The following SLC2A7 variants were observed in gnomAD, a reference collection of about 807,000 sequenced individuals.
SLC2A7 encodes solute carrier family 2, facilitated glucose transporter member 7.
SLC2A7 carries 50 observed loss-of-function variants against 50.5 expected under a neutral mutation model. The observed-to-expected ratio is 0.99, with a 90% CI of 0.79 to 1.25. SLC2A7 has a LOEUF of 1.25. Among genes scored for constraint, SLC2A7 ranks in the 50% most tolerant of loss-of-function variants. The pLI, the probability that SLC2A7 is intolerant of heterozygous loss-of-function variation, is 0.00. For missense variants in SLC2A7, 683 were observed against 679.1 expected (o/e 1.01, Z -0.06); for synonymous variants, 308 against 300.4 (o/e 1.03, Z -0.26).
At chr1:8,997,851 GA>G in the SLC2A7 span, among the ~76,000 whole-genome samples, 1 of 151,946 alleles carries the variant, frequency 6.6e-6, no homozygotes, top group African/African-American at 2.4e-5. Context: ...TAATTTTGTT[GA>G]AGTCCAATTT....
At chr1:9,023,151 G>A (rs577153684) in intron 2 of SLC2A7, 73 bp from the exon 3 acceptor site, 3 of 1,503,088 alleles carry the variant, frequency 2.0e-6, no homozygotes, top group Non-Finnish European at 2.7e-6. Flanking sequence ...GTTCTCAGTG[G>A]CCACTTGTCA....
downstream of SLC2A7, among the ~76,000 whole-genome samples, chr1:8,999,164 T>C (rs1382553846): frequency 6.6e-6 from 1 of 152,156 alleles, no homozygotes; most frequent in Non-Finnish European, 1.5e-5. Context: ...CTTTTTTGTT[T>C]TTTTGCCCGG....
rs267598762 is a variant in SLC2A7 at position 9,018,281 on chromosome 1, G to T, written c.531C>A (p.Ile177=). ...AGATCTGTGCTAGGAAGACTCCAACGATGACGAAAACCTCGGTCATTGTTC... is the reference window on the plus strand; with the variant it reads ...AGATCTGTGCTAGGAAGACTCCAACTATGACGAAAACCTCGGTCATTGTTC... The part of the protein sequence containing the change: ...MVGTMTEVFV[I]VGVFLAQIFS... Residue 177 remains isoleucine (I), a synonymous_variant, in exon 5 of 12, where the codon ATC becomes ATA. Transcript: ENST00000400906. The T allele has an allele frequency of 9.9e-6, 16 of 1,614,164 alleles. No individual in the cohort carries two copies. The highest frequency in any genetic ancestry group is 1.7e-5 in the Admixed American group (1 of 60,010).
At chr1:9,007,492 T>C (rs1640672886) in intron 9 of SLC2A7, 107 bp from the exon 10 acceptor site, 1 of 1,019,460 alleles carries the variant, frequency 9.8e-7, no homozygotes, top group Non-Finnish European at 1.5e-6. Flanking sequence ...TGCACCTAGA[T>C]GTCTGGGCAC....
At position 9,003,211 on chromosome 1, in the gene SLC2A7, C is replaced by T; in HGVS notation, c.*89G>A. 1 of 1,213,664 alleles carries T rather than the reference C, an allele frequency of 8.2e-7. No homozygotes were observed. 75.2% of individuals were successfully genotyped at this position (1,213,664 alleles called of 1,614,324 possible). A position where few individuals can be genotyped will look rare whatever the true frequency, so the allele number is the denominator to read the frequency against. The stretch of plus-strand genomic sequence containing the variant: ...GGGGGCAACGACAAAAGCCTCCGTG[C>T]TATTATCCTCCCCAGAGCCTGGGGC... On this transcript the variant is annotated 3_prime_UTR_variant, in exon 12 of 12. Transcript: ENST00000400906.
At chr1:9,014,323 C>T (rs1307224337) in intron 7 of SLC2A7, among the ~76,000 whole-genome samples, 1 of 152,226 alleles carries the variant, frequency 6.6e-6, no homozygotes, top group Non-Finnish European at 1.5e-5. Context: ...CAAGTGGGCC[C>T]AAGATGGGCT....
chr1:9,003,509 C>T lies in SLC2A7; in HGVS notation c.1330G>A (p.Gly444Ser), dbSNP rs372870693. Reference sequence around the variant, plus strand: ...GCAAAGATGATGAAACTGTAGGCACCGATGGCCTCCTAGACCAGGAGACGA... The same window carrying T: ...GCAAAGATGATGAAACTGTAGGCACTGATGGCCTCCTAGACCAGGAGACGA... ...FLFPSIQEAI[G>S]AYSFIIFAGI... is the part of the protein sequence containing the mutation. The change falls in exon 12 of 12, where the codon GGT becomes AGT. Residue 444 changes from glycine to serine, a missense_variant. Coordinates refer to ENST00000400906, the MANE Select transcript of SLC2A7 (RefSeq NM_207420.3). 11 of 1,613,964 alleles carry T rather than the reference C, an allele frequency of 6.8e-6. No individual in the cohort carries two copies. The highest frequency in any genetic ancestry group is 2.7e-5 in the African/African-American group (2 of 74,906).
At chr1:9,020,681 T>C (rs554383789) in intron 3 of SLC2A7, among the ~76,000 whole-genome samples, 16 of 150,884 alleles carry the variant, frequency 1.1e-4, no homozygotes, top group African/African-American at 3.9e-4. Flanking sequence ...CTCTCTTTTT[T>C]TTTTTTTTGA....
Position 9,013,562 on chromosome 1 carries a change from C to A in SLC2A7, c.977G>T (p.Gly326Val). 1 of 1,613,998 alleles carries A rather than the reference C, an allele frequency of 6.2e-7. No individual in the cohort carries two copies. Among genetic ancestry groups the A allele is most frequent in the Non-Finnish European group, 8.5e-7 (1 of 1,180,014 alleles). The part of the protein sequence containing the change: ...EAAHSQYVTV[G>V]SGVVNIVMTI... Reference sequence around the variant, plus strand: ...CATCACTATGTTGACGACGCCAGAGCCCACCGTTACATATTGGGAGTGAGC... The same window carrying A: ...CATCACTATGTTGACGACGCCAGAGACCACCGTTACATATTGGGAGTGAGC... Residue 326 changes from glycine to valine, a missense_variant, in exon 8 of 12, where the codon GGC becomes GTC. By Grantham distance (109) the Gly-to-Val change is moderately radical (BLOSUM62 -3). Transcript: ENST00000400906.
chr1:9,020,812 G>C (rs1291859705), intron 3 of SLC2A7, among the ~76,000 whole-genome samples: 1 of 151,794 alleles, frequency 6.6e-6, no homozygotes, highest in Non-Finnish European at 1.5e-5. Flanking sequence ...TCCCACATGT[G>C]TGGGAGGGAC....
chr1:8,992,993 G>C, the SLC2A7 span, among the ~76,000 whole-genome samples: 3 of 152,234 alleles, frequency 2.0e-5, no homozygotes, highest in African/African-American at 7.2e-5. Context: ...CTGACATCAG[G>C]TTGCAGATCT....
In SLC2A7 at chr1:9,013,520, C is replaced by A; in HGVS notation, c.1014+5G>T. Reference sequence around the variant, plus strand: ...CAGCAGGAAGGATGCCTCCTGCTCACTCACCGAGGTGATGGTCATCACTAT... The same window carrying A: ...CAGCAGGAAGGATGCCTCCTGCTCAATCACCGAGGTGATGGTCATCACTAT... On this transcript the variant is annotated splice_donor_5th_base_variant and intron_variant, in intron 8 of 11. Transcript: ENST00000400906. 2.5e-6 allele frequency: 4 copies of A among 1,612,474 alleles called. No homozygotes were observed. Among genetic ancestry groups the A allele is most frequent in the Non-Finnish European group, 3.4e-6 (4 of 1,179,376 alleles).
At position 9,003,393 on chromosome 1, in the gene SLC2A7, G is replaced by C. The variant is rs769593096; in HGVS notation, c.1446C>G (p.Ala482=). The C allele has an allele frequency of 2.5e-6, 4 of 1,614,160 alleles. No homozygotes were observed. The highest frequency in any genetic ancestry group is 1.7e-5 in the Admixed American group (1 of 60,016). The change falls in exon 12 of 12, where the codon GCC becomes GCG. Residue 482 remains alanine (A), a synonymous_variant. Transcript: ENST00000400906. The part of the protein sequence containing the change: ...KTFVEINRIF[A]KRNRVKLPEE... ...CTGGAAGCTTCACCCTGTTTCTCTT[G>C]GCAAAAATGCGGTTTATCTCCACAA...
At position 9,026,413 on chromosome 1, in the gene SLC2A7, A is replaced by G. The variant is rs1290309822; in HGVS notation, c.-68T>C. 3 of 1,472,190 alleles carry G rather than the reference A, an allele frequency of 2.0e-6. No homozygotes were observed. The highest frequency in any genetic ancestry group is 1.8e-6 in the Non-Finnish European group (2 of 1,089,214). The allele number at this position is 1,472,190 out of a possible 1,614,324, so 91.2% of individuals were successfully genotyped here. On this transcript the variant is annotated 5_prime_UTR_variant, in exon 1 of 12. Coordinates refer to ENST00000400906, the MANE Select transcript of SLC2A7 (RefSeq NM_207420.3). ...GACACCTGCTCTGCGCCAGCCACCT[A>G]AAGACCGGCTGTTTCTCCCCTGGGC...
At position 9,019,334 on chromosome 1, in the gene SLC2A7, C is replaced by T. The variant is rs747814039; in HGVS notation, c.312-1G>A. 3 of 1,613,896 alleles carry T rather than the reference C, an allele frequency of 1.9e-6. No individual in the cohort carries two copies. Among genetic ancestry groups the T allele is most frequent in the Non-Finnish European group, 2.5e-6 (3 of 1,179,856 alleles). ...GTTGTTGATCAGCAGGGTCCCCTTT[C>T]TGCAAAGACAGTGAGCCCAGAGGGC... On this transcript the variant is annotated splice_acceptor_variant, in intron 3 of 11. Coordinates refer to ENST00000400906, the MANE Select transcript of SLC2A7 (RefSeq NM_207420.3). LOFTEE classifies it high-confidence loss of function.
intron 7 of SLC2A7, 54 bp downstream of exon 7, chr1:9,014,627 A>G (rs1396932561): frequency 4.5e-5 from 70 of 1,544,952 alleles, no homozygotes; most frequent in Non-Finnish European, 6.1e-5. Flanking sequence ...GTTGCTATCC[A>G]TGAAGCCTGG....
rs34837941 is a variant in SLC2A7 at position 9,008,603 on chromosome 1, G to GTTT, written c.1117-1221_1117-1219dup. ...AAGGTTCTGCTAAGAACTTATATTG[G>GTTT]TTTTTTTTTTTTTTAGACAGAATCT... On this transcript the variant is annotated intron_variant, in intron 9 of 11. Transcript: ENST00000400906. The surrounding 1 kb of genome is among the most constrained non-coding windows in gnomAD (Gnocchi z 5.9). 0.22 allele frequency among the ~76,000 whole-genome samples: 31,914 copies of GTTT among 145,894 alleles called. 3,926 individuals are homozygous for GTTT. The highest frequency in any genetic ancestry group is 0.32 in the East Asian group (1,603 of 4,944).
chr1:9,024,964 C>T lies in SLC2A7; in HGVS notation c.150+12G>A, dbSNP rs560135154. 1.2e-6 allele frequency: 2 copies of T among 1,613,736 alleles called. No homozygotes were observed. Among genetic ancestry groups the T allele is most frequent in the Non-Finnish European group, 8.5e-7 (1 of 1,179,774 alleles). On this transcript the variant is annotated intron_variant, in intron 2 of 11. Transcript: ENST00000400906. ...TGCTGCCCGGCCCACCTTGTGCCCA[C>T]CTTGTGCCCACCTTGTGCGGCGTGT...
intron 2 of SLC2A7, among the ~76,000 whole-genome samples, chr1:9,024,233 A>G (rs987335884): frequency 6.6e-6 from 1 of 152,162 alleles, no homozygotes; most frequent in African/African-American, 2.4e-5. Context: ...TAATTTCCTC[A>G]TCAGTTATGG....
Sources: allele counts gnomAD v4.1 joint callset (sites outside exome capture counted in the v4.1 genomes callset), GRCh38; gene constraint gnomAD v4.1.1; non-coding constraint Gnocchi (gnomAD v3.1); transcripts MANE v1.5; gene names NCBI Gene and HGNC (gene_info 2026-07-23, HGNC 2026-07-21).